NRG1: variants seen among roughly 807,000 people sequenced by gnomAD.
The protein encoded by NRG1 is pro-neuregulin-1, membrane-bound isoform.
Under a neutral mutation model 63.8 loss-of-function variants are expected in NRG1, and 18 were observed. That is an observed-to-expected ratio of 0.28 (90% CI 0.19 to 0.42). The LOEUF is 0.42. NRG1 is among the 10% of genes least tolerant of loss of function. The pLI, the probability that NRG1 is intolerant of heterozygous loss-of-function variation, is 1.00. For missense variants in NRG1, 762 were observed against 814.7 expected, an observed-to-expected ratio of 0.94 and a Z score of 0.79; for synonymous variants, 302 against 301.3, an observed-to-expected ratio of 1.00 and a Z score of -0.02.
intron 5 of NRG1, among the ~76,000 whole-genome samples, chr8:32,691,084 C>G (rs1250176813): frequency 3.9e-5 from 6 of 151,942 alleles, no homozygotes; most frequent in Admixed American, 3.3e-4. Context: ...TGGATCACAC[C>G]TGTAAACCTA....
rs199709330 is a variant in NRG1 at position 32,424,904 on chromosome 8, C to CA, written c.38-170916dup. On this transcript the variant is annotated intron_variant, in intron 1 of 10. Transcript: ENST00000519301. ...AACAACAAACAAACAAACAAAAAAA[C>CA]AAAAAAAATTGGAGGGAATTTAGTT... is the stretch of plus-strand genomic sequence containing the variant. Among the ~76,000 whole-genome samples, 258 of 151,434 alleles carry CA rather than the reference C, an allele frequency of 1.7e-3. 3 individuals are homozygous for CA. The East Asian group carries it at 0.023, about 14-fold the overall frequency.
At chr8:32,312,364 G>C (rs142226321) in intron 1 of NRG1, among the ~76,000 whole-genome samples, 1 of 123,040 alleles carries the variant, frequency 8.1e-6, no homozygotes, top group Non-Finnish European at 1.7e-5. Flanking sequence ...TAGTAGAGAC[G>C]GGATTTCACT....
At chr8:32,608,092 G>GTTTTTTTTTTTTTTTTTTT (rs1226154193) in intron 3 of NRG1, among the ~76,000 whole-genome samples, 5 of 106,198 alleles carry the variant, frequency 4.7e-5, no homozygotes, top group African/African-American at 1.7e-4. Flanking sequence ...GGTTTTTTTT[G>GTTTTTTTTTTTTTTTTTTT]TTTTTTTTTT....
intron 1 of NRG1, among the ~76,000 whole-genome samples, chr8:32,268,579 G>A (rs529259962): frequency 6.6e-6 from 1 of 152,244 alleles, no homozygotes; most frequent in South Asian, 2.1e-4. Flanking sequence ...GTGTGTGTGT[G>A]TCCATGTGTC....
chr8:32,108,142 G>T (rs2131418614), intron 1 of NRG1, among the ~76,000 whole-genome samples: 1 of 152,230 alleles, frequency 6.6e-6, no homozygotes. Flanking sequence ...CCTCCTCAAA[G>T]AAGTCCTCAC....
intron 1 of NRG1, among the ~76,000 whole-genome samples, chr8:31,848,946 G>A (rs1452608317): frequency 6.6e-6 from 1 of 152,090 alleles, no homozygotes; most frequent in Admixed American, 6.6e-5. Context: ...ATCCCCCACT[G>A]CCACCCTGGA....
chr8:32,389,474 T>C (rs548021539), intron 1 of NRG1, among the ~76,000 whole-genome samples: 2 of 152,204 alleles, frequency 1.3e-5, no homozygotes, highest in Non-Finnish European at 2.9e-5. Flanking sequence ...CTTTCTAATA[T>C]GTGCCAACTC....
At chr8:32,543,375 G>T (rs1269190912), upstream of NRG1, among the ~76,000 whole-genome samples, 1 of 152,136 alleles carries the variant, frequency 6.6e-6, no homozygotes. Flanking sequence ...AATTAAGGGT[G>T]CATTGCCAGG....
At chr8:31,781,095 A>G (rs1819638266) in intron 1 of NRG1, among the ~76,000 whole-genome samples, 1 of 152,090 alleles carries the variant, frequency 6.6e-6, no homozygotes, top group Non-Finnish European at 1.5e-5. Context: ...TTGACTTGCA[A>G]ATTCCTTTTT....
intron 1 of NRG1, among the ~76,000 whole-genome samples, chr8:32,572,321 G>T (rs78953577): frequency 0.18 from 27,456 of 152,116 alleles, 2,597 homozygotes; most frequent in Non-Finnish European, 0.21. Flanking sequence ...TGATCTTAGA[G>T]CCCTCATAGG....
chr8:31,841,895 A>G (rs1224006322), intron 1 of NRG1, among the ~76,000 whole-genome samples: 2 of 152,140 alleles, frequency 1.3e-5, no homozygotes, highest in Non-Finnish European at 2.9e-5. Flanking sequence ...TCCTTCAGTG[A>G]TTTTTCAAGA....
intron 1 of NRG1, among the ~76,000 whole-genome samples, chr8:32,197,243 T>G (rs970944349): frequency 6.6e-6 from 1 of 152,104 alleles, no homozygotes; most frequent in Non-Finnish European, 1.5e-5. Context: ...ATTACAAGCA[T>G]GAGCCACCAC....
At chr8:31,686,161 TTTTG>T (rs1369606943) in intron 1 of NRG1, among the ~76,000 whole-genome samples, 1 of 152,196 alleles carries the variant, frequency 6.6e-6, no homozygotes, top group Non-Finnish European at 1.5e-5. Context: ...AAGGTATGAA[TTTTG>T]TTTGTCAAGG....
At chr8:31,778,593 A>C (rs1392613913) in intron 1 of NRG1, among the ~76,000 whole-genome samples, 1 of 152,210 alleles carries the variant, frequency 6.6e-6, no homozygotes, top group Admixed American at 6.5e-5. Flanking sequence ...TGAACGTAGA[A>C]ATGCACTGTT....
At chr8:32,374,330 C>T (rs56341774) in intron 1 of NRG1, among the ~76,000 whole-genome samples, 3 of 152,124 alleles carry the variant, frequency 2.0e-5, no homozygotes, top group Non-Finnish European at 2.9e-5. Context: ...TCAACTGCTG[C>T]GTTCCACAAC....
intron 1 of NRG1, among the ~76,000 whole-genome samples, chr8:31,832,242 T>C (rs946263854): frequency 7.0e-6 from 1 of 143,346 alleles, no homozygotes; most frequent in East Asian, 2.3e-4. Context: ...AGCCATTAAA[T>C]GCTCTAGTTT....
intron 7 of NRG1, among the ~76,000 whole-genome samples, chr8:32,746,426 G>C (rs545961973): frequency 6.6e-6 from 1 of 152,034 alleles, no homozygotes; most frequent in Admixed American, 6.6e-5. Flanking sequence ...AATCCTAAAT[G>C]TCTTCAAATT....
exon 1 of NRG1, chr8:31,639,262 C>G: frequency 9.0e-7 from 1 of 1,116,024 alleles, no homozygotes; most frequent in Non-Finnish European, 1.3e-6. Flanking sequence ...CTCCGCAGCC[C>G]ACTCGGACTG....
rs141477584 is a variant in NRG1, at chr8:32,624,441, A to G, written c.502+7556A>G. ...AAGTGAGCTAGACAGGAAAACAACA[A>G]CACAATCATTGACAACTGATAAGCA... On this transcript the variant is annotated intron_variant, in intron 5 of 11. Transcript: ENST00000356819. Among the ~76,000 whole-genome samples the G allele has an allele frequency of 6.2e-4, 94 of 152,338 alleles. 1 individual carries two copies. The highest frequency in any genetic ancestry group is 1.0e-3 in the South Asian group (5 of 4,830).
Sources: gnomAD v4.1 joint callset for allele counts (sites outside exome capture counted in the v4.1 genomes callset) on GRCh38, gnomAD v4.1.1 for gene constraint, MANE v1.5 for transcripts, NCBI Gene and HGNC (gene_info 2026-07-23, HGNC 2026-07-21) for gene names.